Variants in ZMYM2 observed in about 807,000 individuals in gnomAD.
The protein encoded by ZMYM2 is zinc finger MYM-type containing 2, also known as zinc finger MYM-type protein 2.
Under a neutral mutation model 162.8 loss-of-function variants are expected in ZMYM2, and 56 were observed. That is an observed-to-expected ratio of 0.34 (90% CI 0.28 to 0.43). The LOEUF (loss-of-function observed/expected upper bound fraction) is 0.43, where lower values mean the gene tolerates loss of function less well. Among genes scored for constraint, ZMYM2 ranks in the 20% least tolerant of loss-of-function variants. ZMYM2 has a pLI of 1.00. For synonymous variants in ZMYM2, 510 were observed against 541.6 expected (o/e 0.94, Z 0.81); for missense variants, 1,275 against 1,621.8 (o/e 0.79, Z 3.67).
rs1490387467 is a variant in ZMYM2 at position 20,034,313 on chromosome 13, C to T, written c.2028C>T (p.Cys676=). The T allele has an allele frequency of 2.5e-6, 4 of 1,610,818 alleles. No homozygotes were observed. Among genetic ancestry groups the T allele is most frequent in the Non-Finnish European group, 3.4e-6 (4 of 1,178,850 alleles). Residue 676 remains cysteine (C), a synonymous_variant, in exon 11 of 25, where the codon TGC becomes TGT. Coordinates refer to ENST00000610343, the MANE Select transcript of ZMYM2 (RefSeq NM_197968.4). Reference sequence around the variant, plus strand: ...CAGATGACTATAAGAAGTTGCATTGCATAGTTACATATTGCGAATACTGTC... The same window carrying T: ...CAGATGACTATAAGAAGTTGCATTGTATAGTTACATATTGCGAATACTGTC... The part of the protein sequence containing the change: ...TCSDDYKKLH[C]IVTYCEYCQE...
At chr13:19,970,117 T>C (rs768015732) in intron 2 of ZMYM2, 22 of 960,876 alleles carry the variant, frequency 2.3e-5, no homozygotes, top group Non-Finnish European at 2.6e-5. Flanking sequence ...TTAAACATTA[T>C]GGAAAATTTG....
At chr13:20,066,655 C>T (rs554142749) in intron 19 of ZMYM2, 196 bp from the exon 20 acceptor site, 18 of 418,116 alleles carry the variant, frequency 4.3e-5, no homozygotes, top group Non-Finnish European at 7.4e-5. Context: ...TCAGGTGGCA[C>T]GATTGGAAGA....
At chr13:19,864,028 T>C in the ZMYM2 span, 138,477 of 152,232 alleles carry the variant, frequency 0.91, 64,397 homozygotes, top group Non-Finnish European at 1. Context: ...CCGGCGGGGC[T>C]GCCTGCCCTC....
At chr13:19,991,232 G>A (rs1949597099) in intron 2 of ZMYM2, among the ~76,000 whole-genome samples, 1 of 151,998 alleles carries the variant, frequency 6.6e-6, no homozygotes, top group African/African-American at 2.4e-5. Context: ...TCCTGCCTCA[G>A]CCTCCTAAGT....
chr13:19,965,122 C>T (rs1322399409), intron 2 of ZMYM2: 4 of 553,100 alleles, frequency 7.2e-6, no homozygotes, highest in South Asian at 2.4e-5. Flanking sequence ...CATAGCTATT[C>T]TAAGTAACAT....
At chr13:20,066,112 A>G (rs1368569254) in intron 19 of ZMYM2, among the ~76,000 whole-genome samples, 1 of 152,258 alleles carries the variant, frequency 6.6e-6, no homozygotes, top group African/African-American at 2.4e-5. Context: ...GACTGTTGTC[A>G]GATTCAGGAA....
chr13:20,085,705 C>T (rs1958218591), intron 24 of ZMYM2, 117 bp from the exon 25 acceptor site: 1 of 710,342 alleles, frequency 1.4e-6, no homozygotes, highest in Non-Finnish European at 2.2e-6. Context: ...GACAGTGGGG[C>T]ATAGGGGGTC....
the ZMYM2 span, among the ~76,000 whole-genome samples, chr13:19,878,555 C>CTG: frequency 1.7e-5 from 2 of 118,208 alleles, no homozygotes; most frequent in Non-Finnish European, 3.2e-5. Flanking sequence ...GAGTTTCGCT[C>CTG]TTGTCACTCA....
chr13:19,986,642 T>C (rs1485427026), intron 2 of ZMYM2, among the ~76,000 whole-genome samples: 1 of 152,190 alleles, frequency 6.6e-6, no homozygotes, highest in African/African-American at 2.4e-5. Context: ...AATAACATTT[T>C]CATTCAAAAT....
intron 2 of ZMYM2, among the ~76,000 whole-genome samples, chr13:19,962,338 C>CT (rs1955307493): frequency 6.6e-6 from 1 of 151,536 alleles, no homozygotes; most frequent in African/African-American, 2.4e-5. Context: ...GTATGAAATG[C>CT]TGAAACCCTG....
At chr13:19,945,357 T>C in the ZMYM2 span, among the ~76,000 whole-genome samples, 156 of 152,142 alleles carry the variant, frequency 1.0e-3, no homozygotes, top group African/African-American at 3.3e-3. Flanking sequence ...GTTCAAGCAA[T>C]TATCGTGCCT....
intron 10 of ZMYM2, among the ~76,000 whole-genome samples, chr13:20,033,635 G>A (rs1215088326): frequency 1.3e-5 from 2 of 152,204 alleles, no homozygotes; most frequent in Non-Finnish European, 2.9e-5. Context: ...CTCCCTGGAA[G>A]TTTTAACTTG....
chr13:19,993,250 G>A lies in ZMYM2; in HGVS notation c.178G>A (p.Val60Ile), dbSNP rs1203714497. 2 of 1,613,968 alleles carry A rather than the reference G, an allele frequency of 1.2e-6. No individual in the cohort carries two copies. The highest frequency in any genetic ancestry group is 1.7e-6 in the Non-Finnish European group (2 of 1,179,888). Residue 60 changes from valine to isoleucine, a missense_variant, in exon 3 of 25, where the codon GTT (valine) becomes ATT (isoleucine). This residue lies in a region of ZMYM2 where 295 missense variants were observed against 286.7 expected (regional missense o/e 1.03). Transcript: ENST00000610343. ...CTCGTCAGTGGAAGATGATGATGATGTTGTTTTTATCGAACCTGTACAACC... is the reference window on the plus strand; with the variant it reads ...CTCGTCAGTGGAAGATGATGATGATATTGTTTTTATCGAACCTGTACAACC... ...QNSSVEDDDD[V>I]VFIEPVQPPP...
chr13:19,987,948 G>C (rs7332346), intron 2 of ZMYM2, among the ~76,000 whole-genome samples: 15,604 of 152,106 alleles, frequency 0.1, 1,310 homozygotes, highest in African/African-American at 0.22. Context: ...TATCTTTTGC[G>C]ATTTTCCAGT....
At chr13:19,904,063 AC>A in the ZMYM2 span, among the ~76,000 whole-genome samples, 1 of 151,950 alleles carries the variant, frequency 6.6e-6, no homozygotes, top group Non-Finnish European at 1.5e-5. Flanking sequence ...AGATCCCTGA[AC>A]CCTTTGCCTT....
intron 11 of ZMYM2, 71 bp from the exon 12 acceptor site, chr13:20,036,666 G>A (rs1953734304): frequency 3.1e-6 from 4 of 1,270,124 alleles, no homozygotes; most frequent in Non-Finnish European, 4.1e-6. Flanking sequence ...GACCAATTAA[G>A]ATCTGTCTCT....
intron 6 of ZMYM2, among the ~76,000 whole-genome samples, chr13:20,017,519 A>T (rs536771851): frequency 1.3e-5 from 2 of 152,140 alleles, no homozygotes; most frequent in African/African-American, 4.8e-5. Context: ...TCTTTTGCCA[A>T]ATTTGAGACA....
At chr13:19,980,286 T>G (rs1185108100) in intron 2 of ZMYM2, among the ~76,000 whole-genome samples, 2 of 152,144 alleles carry the variant, frequency 1.3e-5, no homozygotes, top group Non-Finnish European at 2.9e-5. Context: ...TTCTGAAAAA[T>G]TTATATACCC....
At chr13:20,080,620 G>A (rs1283527568) in intron 21 of ZMYM2, among the ~76,000 whole-genome samples, 2 of 151,930 alleles carry the variant, frequency 1.3e-5, no homozygotes, top group Admixed American at 1.3e-4. Flanking sequence ...CCGTCAAGTC[G>A]CTGGAGCTAC....
Sources: allele counts gnomAD v4.1 joint callset (sites outside exome capture counted in the v4.1 genomes callset), GRCh38; gene constraint gnomAD v4.1.1; regional missense constraint gnomAD v4.1.1; transcripts MANE v1.5; gene names NCBI Gene and HGNC (gene_info 2026-07-23, HGNC 2026-07-21).